Variants in MEGF11 observed in about 807,000 individuals in gnomAD.
MEGF11 encodes the protein multiple EGF like domains 11.
MEGF11 carries 126 observed loss-of-function variants against 146.6 expected under a neutral mutation model. That is an observed-to-expected ratio of 0.86 (90% confidence interval 0.74 to 1.00). MEGF11 has a LOEUF of 1.00. MEGF11 is among the 50% of genes least tolerant of loss of function. MEGF11 has a pLI of 0.00. For missense variants in MEGF11, 1,509 were observed against 1,521.2 expected (o/e 0.99, Z 0.13); for synonymous variants, 532 against 583.4 (o/e 0.91, Z 1.27).
chr15:66,190,972 G>C (rs2090853864), intron 1 of MEGF11, among the ~76,000 whole-genome samples: 1 of 101,058 alleles, frequency 9.9e-6, no homozygotes, highest in Admixed American at 1.1e-4. Context: ...GCTTCACGGA[G>C]TGTTCACAGG....
chr15:66,078,340 C>T lies in MEGF11; in HGVS notation c.394+16062G>A, dbSNP rs73483457. Among the ~76,000 whole-genome samples the T allele has an allele frequency of 5.9e-3, 903 of 152,344 alleles. 11 individuals carry two copies. Among genetic ancestry groups the T allele is most frequent in the African/African-American group, 0.02 (815 of 41,580 alleles). On this transcript the variant is annotated intron_variant, in intron 5 of 25. Coordinates refer to ENST00000395614, the MANE Select transcript of MEGF11 (RefSeq NM_001385028.1). ...CCTCCTCCACAGCCCTGCATCGTGG[C>T]GGAAACACGCCTGAGTGGAGAGCTC... is the stretch of plus-strand genomic sequence containing the variant.
intron 1 of MEGF11, among the ~76,000 whole-genome samples, chr15:66,170,691 G>C (rs943622497): frequency 6.6e-6 from 1 of 152,040 alleles, no homozygotes; most frequent in Non-Finnish European, 1.5e-5. Context: ...TAGAATGGGA[G>C]GGGGGCCTTT....
intron 1 of MEGF11, among the ~76,000 whole-genome samples, chr15:66,225,497 T>A (rs564474881): frequency 1.5e-3 from 233 of 152,274 alleles, no homozygotes; most frequent in African/African-American, 5.4e-3. Flanking sequence ...CTTAACTGGG[T>A]CTGGAAAATT....
Position 66,061,578 on chromosome 15 carries a change from TCTGG to T in MEGF11, c.394+32820_394+32823del, listed in dbSNP as rs1185049245. 2.8e-4 allele frequency among the ~76,000 whole-genome samples: 42 copies of T among 151,606 alleles called. 1 individual carries two copies. The highest frequency in any genetic ancestry group is 5.3e-4 in the Non-Finnish European group (36 of 67,968). Reference sequence around the variant, plus strand: ...AGATGATCACAGATTGTCATCAACGTCTGGCTGGTGATTAGGGGCACAGTGCCTA... The same window carrying T: ...AGATGATCACAGATTGTCATCAACGTCTGGTGATTAGGGGCACAGTGCCTA... On this transcript the variant is annotated intron_variant, in intron 5 of 25. Coordinates refer to ENST00000395614, the MANE Select transcript of MEGF11 (RefSeq NM_001385028.1).
At chr15:65,949,404 CAA>C (rs946568018) in intron 10 of MEGF11, among the ~76,000 whole-genome samples, 6 of 152,332 alleles carry the variant, frequency 3.9e-5, no homozygotes, top group African/African-American at 1.4e-4. Flanking sequence ...AATGCAGAAA[CAA>C]ATTTGTTCAT....
chr15:66,073,880 C>G lies in MEGF11; in HGVS notation c.394+20522G>C, dbSNP rs373607759. ...AACACCTGAGTTTAGGACAAGCCAA[C>G]ATGTTTTCCCCCACATGAGCTTGGG... On this transcript the variant is annotated intron_variant, in intron 5 of 25. Transcript: ENST00000395614. Among the ~76,000 whole-genome samples the G allele has an allele frequency of 5.3e-5, 8 of 152,324 alleles. No individual in the cohort carries two copies. The South Asian group carries it at 1.7e-3, about 32-fold the overall frequency.
intron 1 of MEGF11, among the ~76,000 whole-genome samples, chr15:66,154,639 G>A (rs1437091472): frequency 6.6e-6 from 1 of 152,244 alleles, no homozygotes; most frequent in African/African-American, 2.4e-5. Flanking sequence ...GGAGGGACGT[G>A]CAAGACAGAG....
chr15:66,166,220 C>T (rs1333982307), intron 1 of MEGF11, among the ~76,000 whole-genome samples: 1 of 152,156 alleles, frequency 6.6e-6, no homozygotes, highest in Non-Finnish European at 1.5e-5. Flanking sequence ...CCAGGGTTTG[C>T]CGCCATGGGG....
rs147075183 is a variant in MEGF11, at chr15:66,191,071, A to G, written c.-9+62534T>C. ...GACTTCCAGGGATGGAAGAAAAGCA[A>G]GTTTCTCCCCCGATATCAGGCCAGA... On this transcript the variant is annotated intron_variant, in intron 1 of 25. Transcript: ENST00000395614. Among the ~76,000 whole-genome samples the G allele has an allele frequency of 1.5e-4, 23 of 152,276 alleles. No individual in the cohort carries two copies. The East Asian group carries it at 3.9e-3, about 26-fold the overall frequency.
intron 21 of MEGF11, chr15:65,910,077 C>G (rs2078751850): frequency 1.6e-6 from 1 of 611,694 alleles, no homozygotes; most frequent in African/African-American, 1.8e-5. Context: ...CAAGCTGGCC[C>G]TGACAGAGGA....
chr15:66,124,047 C>A (rs749630210), intron 2 of MEGF11, 47 bp from the exon 3 acceptor site: 4 of 1,474,186 alleles, frequency 2.7e-6, no homozygotes, highest in Non-Finnish European at 3.8e-6. Context: ...ACTTGGGAAG[C>A]TGAGCTGATA....
chr15:66,150,392 T>G (rs1464860822), intron 1 of MEGF11, among the ~76,000 whole-genome samples: 5 of 152,232 alleles, frequency 3.3e-5, no homozygotes, highest in African/African-American at 1.2e-4. Context: ...TAATGACATG[T>G]AATATTAATT....
In MEGF11 at chr15:66,024,751, G is replaced by C. The variant is rs145447762; in HGVS notation, c.395-42263C>G. Among the ~76,000 whole-genome samples, 740 of 152,268 alleles carry C rather than the reference G, an allele frequency of 4.9e-3. 9 individuals carry two copies. The highest frequency in any genetic ancestry group is 0.017 in the African/African-American group (699 of 41,548). On this transcript the variant is annotated intron_variant, in intron 5 of 25. Coordinates refer to ENST00000395614, the MANE Select transcript of MEGF11 (RefSeq NM_001385028.1). ...AGCTTGTGAAAACCAAAGGAGAAGG[G>C]GCTCTATAAAGGGCTTTGTGGGTGG...
At chr15:65,922,097 C>A (rs949039348) in intron 15 of MEGF11, 2 of 555,276 alleles carry the variant, frequency 3.6e-6, no homozygotes, top group African/African-American at 3.9e-5. Context: ...TTTGTTTCTG[C>A]CACTTGCTAG....
chr15:66,030,927 G>A (rs937116977), intron 5 of MEGF11, among the ~76,000 whole-genome samples: 8 of 152,200 alleles, frequency 5.3e-5, no homozygotes, highest in Non-Finnish European at 1.2e-4. Flanking sequence ...TCCATTCAGG[G>A]AAAATAAAAG....
In MEGF11 at chr15:66,151,464, C is replaced by T. The variant is rs536706442; in HGVS notation, c.-8-23053G>A. On this transcript the variant is annotated intron_variant, in intron 1 of 25. Transcript: ENST00000395614. ...CCAAGTTCCACTCTGCCACCAGTCA[C>T]GGACAGATCCCTCCCCATCTCTGGG... Among the ~76,000 whole-genome samples, 7 of 152,268 alleles carry T rather than the reference C, an allele frequency of 4.6e-5. No individual in the cohort carries two copies. The South Asian group carries it at 1.2e-3, about 27-fold the overall frequency.
Position 65,916,280 on chromosome 15 carries a change from G to A in MEGF11, c.2216-4C>T, listed in dbSNP as rs1449348821. On this transcript the variant is annotated splice_polypyrimidine_tract_variant and splice_region_variant and intron_variant, in intron 17 of 25. Transcript: ENST00000395614. ...CCAAAAAATGCTGCTGGGCAGCCTA[G>A]AGAAACAGGATTTCCAGTCACGAGA... The A allele has an allele frequency of 1.3e-6, 2 of 1,553,520 alleles. No homozygotes were observed. Among genetic ancestry groups the A allele is most frequent in the Non-Finnish European group, 1.7e-6 (2 of 1,148,062 alleles).
chr15:66,163,998 A>G (rs1457706415), intron 1 of MEGF11, among the ~76,000 whole-genome samples: 1 of 151,620 alleles, frequency 6.6e-6, no homozygotes, highest in Non-Finnish European at 1.5e-5. Flanking sequence ...AAGCCGCCAA[A>G]CCTCCCTCCT....
intron 23 of MEGF11, 34 bp from the exon 24 acceptor site, chr15:65,906,175 T>G (rs376434873): frequency 1.3e-6 from 2 of 1,549,056 alleles, no homozygotes; most frequent in Non-Finnish European, 1.8e-6. Flanking sequence ...AAAGAAAATA[T>G]GGGGGTGAGG....
Sources: gnomAD v4.1 joint callset for allele counts (sites outside exome capture counted in the v4.1 genomes callset) on GRCh38, gnomAD v4.1.1 for gene constraint, MANE v1.5 for transcripts, NCBI Gene and HGNC (gene_info 2026-07-23, HGNC 2026-07-21) for gene names.